The following SLC35F3 variants were observed in gnomAD, a reference collection of about 807,000 sequenced individuals.
The protein encoded by SLC35F3 is putative thiamine transporter SLC35F3.
SLC35F3 carries 25 observed loss-of-function variants against 49.9 expected under a neutral mutation model. The observed-to-expected ratio is 0.50, with a 90% CI of 0.37 to 0.70. The LOEUF (loss-of-function observed/expected upper bound fraction) is 0.70. Among genes scored for constraint, SLC35F3 ranks in the 30% least tolerant of loss-of-function variants. SLC35F3 has a pLI of 0.00. For missense variants in SLC35F3, 525 were observed against 639.8 expected (o/e 0.82, Z 1.94); for synonymous variants, 275 against 265.4 (o/e 1.04, Z -0.35).
chr1:234,214,897 T>G lies in SLC35F3; in HGVS notation c.284-16520T>G, dbSNP rs1413885022. On this transcript the variant is annotated intron_variant, in intron 2 of 7. Coordinates refer to ENST00000366618, the MANE Select transcript of SLC35F3 (RefSeq NM_173508.4). The surrounding 1 kb of genome is among the most constrained non-coding windows in gnomAD (Gnocchi z 8.0). The stretch of plus-strand genomic sequence containing the variant: ...ATCCCAGTTTGTCCTGGGGCTCTTG[T>G]CTGTTCGGCAGGAGGGGGTCGTCCA... The G allele has an allele frequency of 3.6e-6, 1 of 280,952 alleles. No homozygotes were observed. Among genetic ancestry groups the G allele is most frequent in the African/African-American group, 2.2e-5 (1 of 45,396 alleles). The allele number at this position is 280,952 out of a possible 1,614,324, so 17.4% of individuals were successfully genotyped here.
intron 3 of SLC35F3, among the ~76,000 whole-genome samples, chr1:234,288,867 T>A (rs773642676): frequency 9.9e-5 from 15 of 152,202 alleles, no homozygotes; most frequent in Non-Finnish European, 1.8e-4. Flanking sequence ...TGCCTCCTGA[T>A]CAAAGCAGGA....
chr1:233,944,566 C>T (rs1662482916), intron 2 of SLC35F3, among the ~76,000 whole-genome samples: 1 of 152,128 alleles, frequency 6.6e-6, no homozygotes, highest in Admixed American at 6.5e-5. Context: ...GTTCCGGTAC[C>T]TCTGGATTGA....
At chr1:234,247,542 G>C (rs1667654040) in intron 3 of SLC35F3, among the ~76,000 whole-genome samples, 1 of 151,690 alleles carries the variant, frequency 6.6e-6, no homozygotes, top group Non-Finnish European at 1.5e-5. Context: ...TCAGTGGGTT[G>C]GTTGCCTGGT....
intron 3 of SLC35F3, among the ~76,000 whole-genome samples, chr1:234,239,911 C>T (rs183731622): frequency 4.2e-4 from 64 of 152,334 alleles, no homozygotes; most frequent in African/African-American, 1.4e-3. Flanking sequence ...TTCCAAAGGT[C>T]ACTGTGGGAT....
intron 2 of SLC35F3, among the ~76,000 whole-genome samples, chr1:233,919,200 A>T (rs1308384608): frequency 6.6e-6 from 1 of 152,192 alleles, no homozygotes; most frequent in Non-Finnish European, 1.5e-5. Context: ...AGTTAGCCAG[A>T]GCAGGGAGAA....
intron 3 of SLC35F3, among the ~76,000 whole-genome samples, chr1:234,297,861 G>A (rs1668629416): frequency 2.6e-5 from 4 of 152,178 alleles, no homozygotes; most frequent in Admixed American, 1.3e-4. Flanking sequence ...TTTCAGTTAT[G>A]CAAGATGAAT....
chr1:234,280,721 C>T (rs183383665), intron 3 of SLC35F3, among the ~76,000 whole-genome samples: 1 of 152,164 alleles, frequency 6.6e-6, no homozygotes, highest in Non-Finnish European at 1.5e-5. Flanking sequence ...AGCACATGTG[C>T]GTACTCTATC....
chr1:234,319,486 T>C (rs2102998698), intron 6 of SLC35F3, among the ~76,000 whole-genome samples: 1 of 152,234 alleles, frequency 6.6e-6, no homozygotes, highest in South Asian at 2.1e-4. Context: ...GAGGATCGCT[T>C]GAGCCCAGGA....
At chr1:234,204,244 G>C (rs1276900097) in intron 2 of SLC35F3, among the ~76,000 whole-genome samples, 1 of 152,008 alleles carries the variant, frequency 6.6e-6, no homozygotes, top group African/African-American at 2.4e-5. Flanking sequence ...TAAGAGGCCA[G>C]AACTTTGATA....
chr1:234,316,759 C>T lies in SLC35F3; in HGVS notation c.954+32C>T, dbSNP rs377238478. ...CCGGGGAGTGAACTTTCTCAGCTGG[C>T]TGGGCTCTCCTCAGCCAGCACAGCC... On this transcript the variant is annotated intron_variant, in intron 5 of 7. Coordinates refer to ENST00000366618, the MANE Select transcript of SLC35F3 (RefSeq NM_173508.4). 16 of 1,583,838 alleles carry T rather than the reference C, an allele frequency of 1.0e-5. No homozygotes were observed. The African/African-American group carries it at 1.9e-4, about 19-fold the overall frequency.
intron 2 of SLC35F3, among the ~76,000 whole-genome samples, chr1:234,089,291 G>C (rs1029676721): frequency 1.3e-5 from 2 of 152,218 alleles, no homozygotes; most frequent in African/African-American, 4.8e-5. Flanking sequence ...CAGTCAGCCT[G>C]GGCTGTGAGG....
chr1:234,255,001 G>A (rs1372831238), intron 3 of SLC35F3, among the ~76,000 whole-genome samples: 3 of 152,102 alleles, frequency 2.0e-5, no homozygotes, highest in Non-Finnish European at 4.4e-5. Flanking sequence ...AATTTGTTTT[G>A]CGTAATTTAT....
chr1:234,159,218 T>C (rs1274881534), intron 2 of SLC35F3, among the ~76,000 whole-genome samples: 1 of 152,146 alleles, frequency 6.6e-6, no homozygotes, highest in African/African-American at 2.4e-5. Context: ...TCTCAGTATT[T>C]CTAAGAAACT....
chr1:234,322,860 G>T, intron 7 of SLC35F3, 148 bp from the exon 8 acceptor site: 1 of 680,222 alleles, frequency 1.5e-6, no homozygotes. Context: ...AGCCCACCTG[G>T]AACAAAATCA....
intron 2 of SLC35F3, among the ~76,000 whole-genome samples, chr1:234,103,119 A>G (rs1387046983): frequency 1.3e-5 from 2 of 152,252 alleles, no homozygotes; most frequent in South Asian, 2.1e-4. Context: ...CAATTGCAAC[A>G]TTGTGGGCAA....
At chr1:234,159,592 TA>T (rs1325769905) in intron 2 of SLC35F3, among the ~76,000 whole-genome samples, 4 of 151,972 alleles carry the variant, frequency 2.6e-5, no homozygotes, top group Non-Finnish European at 5.9e-5. Context: ...CTTTTGCCAA[TA>T]AAAAAGTACT....
intron 2 of SLC35F3, among the ~76,000 whole-genome samples, chr1:234,153,808 TCAC>T (rs1666108204): frequency 6.6e-6 from 1 of 151,802 alleles, no homozygotes. Flanking sequence ...ACGCAGTGGC[TCAC>T]GCCTGTAATC....
intron 2 of SLC35F3, among the ~76,000 whole-genome samples, chr1:233,971,008 G>A (rs557539811): frequency 2.0e-5 from 3 of 152,222 alleles, no homozygotes; most frequent in Admixed American, 6.5e-5. Flanking sequence ...TTATCTTTCT[G>A]TATGTGGCTA....
intron 2 of SLC35F3, among the ~76,000 whole-genome samples, chr1:234,220,172 A>C (rs950013146): frequency 3.2e-4 from 48 of 152,176 alleles, no homozygotes; most frequent in African/African-American, 1.2e-3. Context: ...TGGGTTATGA[A>C]ATCTCTTTCA....
Sources: gnomAD v4.1 joint callset for allele counts (sites outside exome capture counted in the v4.1 genomes callset) on GRCh38, gnomAD v4.1.1 for gene constraint, Gnocchi (gnomAD v3.1) non-coding constraint, MANE v1.5 for transcripts, NCBI Gene and HGNC (gene_info 2026-07-23, HGNC 2026-07-21) for gene names.